Variants in STK32C observed in about 807,000 individuals in gnomAD.
STK32C encodes serine/threonine-protein kinase 32C.
STK32C carries 31 observed loss-of-function variants against 56.5 expected under a neutral mutation model. That is an observed-to-expected ratio of 0.55 (90% CI 0.41 to 0.74). STK32C has a LOEUF of 0.74. STK32C is among the 30% of genes least tolerant of loss of function. STK32C has a pLI of 0.00. For missense variants in STK32C, 544 were observed against 676.9 expected (o/e 0.80, Z 2.18); for synonymous variants, 309 against 289.4 (o/e 1.07, Z -0.69).
intron 1 of STK32C, among the ~76,000 whole-genome samples, chr10:132,267,982 C>CGTGT (rs59730124): frequency 2.5e-5 from 2 of 80,552 alleles, no homozygotes; most frequent in Admixed American, 2.5e-4. Context: ...TGTCCCACAT[C>CGTGT]GTGTGTGTGT....
intron 1 of STK32C, among the ~76,000 whole-genome samples, chr10:132,286,946 G>A (rs191673950): frequency 3.3e-5 from 5 of 152,282 alleles, no homozygotes; most frequent in East Asian, 3.8e-4. Flanking sequence ...GTCTTTATTC[G>A]CAAATGATTT....
At chr10:132,329,076 G>T (rs968880980) in intron 1 of STK32C, among the ~76,000 whole-genome samples, 3 of 152,254 alleles carry the variant, frequency 2.0e-5, no homozygotes, top group Non-Finnish European at 2.9e-5. Flanking sequence ...CCGCCCAGGG[G>T]AGATGAAAAC....
intron 1 of STK32C, among the ~76,000 whole-genome samples, chr10:132,268,712 CGT>C (rs781774207): frequency 7.8e-5 from 8 of 101,968 alleles, no homozygotes; most frequent in South Asian, 3.5e-4. Flanking sequence ...TGTCTCACAT[CGT>C]GTGTGTGTGT....
chr10:132,329,830 C>T (rs1340820193), intron 1 of STK32C, among the ~76,000 whole-genome samples: 1 of 152,206 alleles, frequency 6.6e-6, no homozygotes. Context: ...GAAGACACGG[C>T]CAGCGCCAGG....
At chr10:132,261,846 T>C (rs2064316274) in intron 1 of STK32C, among the ~76,000 whole-genome samples, 2 of 152,172 alleles carry the variant, frequency 1.3e-5, no homozygotes, top group South Asian at 4.2e-4. Context: ...GCAGAATCAA[T>C]ATTGTTAAAA....
chr10:132,308,727 G>C (rs564627369), upstream of STK32C, among the ~76,000 whole-genome samples: 188 of 152,310 alleles, frequency 1.2e-3, no homozygotes, highest in African/African-American at 4.2e-3. Flanking sequence ...AGTCGCCCAG[G>C]GTCCCCTTGT....
At chr10:132,217,005 A>G (rs1395255484) in intron 10 of STK32C, among the ~76,000 whole-genome samples, 1 of 6,116 alleles carries the variant, frequency 1.6e-4, no homozygotes, top group Non-Finnish European at 4.4e-4. Context: ...CCACTGGGGC[A>G]CACTGCCTAG....
chr10:132,245,000 A>G (rs1434200581), intron 2 of STK32C, among the ~76,000 whole-genome samples: 1 of 152,170 alleles, frequency 6.6e-6, no homozygotes, highest in Non-Finnish European at 1.5e-5. Context: ...TGCACTGCGC[A>G]AAGGGGCTCA....
chr10:132,255,149 T>C lies in STK32C; in HGVS notation c.263-9194A>G, dbSNP rs1315608095. Among the ~76,000 whole-genome samples, 1 of 152,114 alleles carries C rather than the reference T, an allele frequency of 6.6e-6. No homozygotes were observed. The highest frequency in any genetic ancestry group is 1.5e-5 in the Non-Finnish European group (1 of 68,016). On this transcript the variant is annotated intron_variant, in intron 1 of 11. Transcript: ENST00000298630. This position sits in a 1 kb window ranked among gnomAD's most constrained non-coding sequence, Gnocchi z 4.6. ...ACACGCAGAAGTTGATTAAATGCCG[T>C]CTCGTCTCCTATGACCTGGGAAGTG... is the stretch of plus-strand genomic sequence containing the variant.
chr10:132,291,187 T>C lies in STK32C; in HGVS notation c.262+16385A>G, dbSNP rs918465123. Among the ~76,000 whole-genome samples the C allele has an allele frequency of 1.3e-5, 2 of 152,384 alleles. 1 individual carries two copies. Among genetic ancestry groups the C allele is most frequent in the South Asian group, 4.1e-4 (2 of 4,830 alleles). The stretch of plus-strand genomic sequence containing the variant: ...CCAATTAGCTCGGCGGTGGCTGAGC[T>C]GGCTTGCGCTCTCTGGAGCATTGCC... On this transcript the variant is annotated intron_variant, in intron 1 of 11. Coordinates refer to ENST00000298630, the MANE Select transcript of STK32C (RefSeq NM_173575.4).
At chr10:132,279,417 T>G (rs1277463034) in intron 1 of STK32C, among the ~76,000 whole-genome samples, 1 of 152,102 alleles carries the variant, frequency 6.6e-6, no homozygotes, top group Non-Finnish European at 1.5e-5. Flanking sequence ...ACACTCCTCT[T>G]CATGTAAATG....
intron 1 of STK32C, among the ~76,000 whole-genome samples, chr10:132,291,356 G>A (rs1017670468): frequency 1.3e-5 from 2 of 152,282 alleles, no homozygotes; most frequent in East Asian, 1.9e-4. Context: ...GGATGTTCTC[G>A]ATCTGAGATG....
Position 132,226,934 on chromosome 10 carries a change from C to G in STK32C, c.505G>C (p.Val169Leu). The G allele has an allele frequency of 6.2e-7, 1 of 1,613,436 alleles. No homozygotes were observed. Among genetic ancestry groups the G allele is most frequent in the African/African-American group, 1.3e-5 (1 of 75,078 alleles). The change falls in exon 4 of 12, where the codon GTC becomes CTC. Residue 169 changes from valine to leucine, a missense_variant. Val to Leu is a conservative substitution (Grantham distance 32). Coordinates refer to ENST00000298630, the MANE Select transcript of STK32C (RefSeq NM_173575.4). ...SFQDEEDMFM[V>L]VDLLLGGDLR... Reference sequence around the variant, plus strand: ...TCCCCGCCCAGTAGCAGGTCCACGACCATGAACATGTCCTCCTCGTCCTGG... The same window carrying G: ...TCCCCGCCCAGTAGCAGGTCCACGAGCATGAACATGTCCTCCTCGTCCTGG...
At position 132,307,349 on chromosome 10, in the gene STK32C, A is replaced by C; in HGVS notation, c.262+223T>G. 1 of 404,474 alleles carries C rather than the reference A, an allele frequency of 2.5e-6. No homozygotes were observed. The highest frequency in any genetic ancestry group is 4.3e-6 in the Non-Finnish European group (1 of 233,422). 25.1% of individuals were successfully genotyped at this position (404,474 alleles called of 1,614,324 possible). A position where few individuals can be genotyped will look rare whatever the true frequency, so the allele number is the denominator to read the frequency against. ...ACCCTCGCCCCGAGGGCCCGGGCCCAGCCTGCTCCTCCTGCGGCGCCGCCA... is the reference window on the plus strand; with the variant it reads ...ACCCTCGCCCCGAGGGCCCGGGCCCCGCCTGCTCCTCCTGCGGCGCCGCCA... On this transcript the variant is annotated intron_variant, in intron 1 of 11. Transcript: ENST00000298630. The surrounding 1 kb of genome is among the most constrained non-coding windows in gnomAD (Gnocchi z 4.4).
Position 132,222,924 on chromosome 10 carries a change from C to A in STK32C, c.1056G>T (p.Ala352=). ...GGTGGTCCCACAGCACGCCGGCCAG[C>A]GCCGGGGCTGCCTGCACGTCCTGGA... ...SSLQDVQAAP[A]LAGVLWDHLS... The change falls in exon 9 of 12, where the codon GCG becomes GCT. Residue 352 remains alanine (A), a synonymous_variant. Coordinates refer to ENST00000298630, the MANE Select transcript of STK32C (RefSeq NM_173575.4). 1 of 1,558,596 alleles carries A rather than the reference C, an allele frequency of 6.4e-7. No homozygotes were observed. Among genetic ancestry groups the A allele is most frequent in the Non-Finnish European group, 8.7e-7 (1 of 1,155,524 alleles).
chr10:132,219,388 C>T (rs2062563591), intron 10 of STK32C, among the ~76,000 whole-genome samples: 1 of 152,088 alleles, frequency 6.6e-6, no homozygotes, highest in Non-Finnish European at 1.5e-5. Flanking sequence ...GGTGCCTGGC[C>T]TTACCTGTTC....
At position 132,225,234 on chromosome 10, in the gene STK32C, C is replaced by G; in HGVS notation, c.875G>C (p.Trp292Ser). 1 of 1,607,258 alleles carries G rather than the reference C, an allele frequency of 6.2e-7. No homozygotes were observed. Among genetic ancestry groups the G allele is most frequent in the African/African-American group, 1.3e-5 (1 of 74,892 alleles). The change falls in exon 7 of 12, where the codon TGG (tryptophan) becomes TCG (serine). Residue 292 changes from tryptophan to serine, a missense_variant and splice_region_variant. Physicochemically the swap from Trp to Ser is radical, Grantham distance 177 (BLOSUM62 -3). Around this residue, in one of 3 missense-constraint regions of STK32C, gnomAD observed 277 missense variants for 309.3 expected, o/e 0.90. Transcript: ENST00000298630. ...CCAGGGGCTGCAGGGGGTCCATACCCATCCTCGCAGCAGCTCATAGGCCAT... is the reference window on the plus strand; with the variant it reads ...CCAGGGGCTGCAGGGGGTCCATACCGATCCTCGCAGCAGCTCATAGGCCAT... ...GVMAYELLRG[W>S]RPYDIHSSNA... is the part of the protein sequence containing the mutation.
At chr10:132,251,341 C>T (rs1273281238) in intron 1 of STK32C, among the ~76,000 whole-genome samples, 2 of 152,208 alleles carry the variant, frequency 1.3e-5, no homozygotes, top group African/African-American at 2.4e-5. Flanking sequence ...GTGCCATGGG[C>T]AGCCCTGGTC....
At chr10:132,292,350 G>A (rs769059457) in intron 1 of STK32C, among the ~76,000 whole-genome samples, 9 of 152,074 alleles carry the variant, frequency 5.9e-5, no homozygotes, top group Non-Finnish European at 1.2e-4. Context: ...CTCTCCATCC[G>A]GGCACTCAAT....
Sources: gnomAD v4.1 joint callset for allele counts (sites outside exome capture counted in the v4.1 genomes callset) on GRCh38, gnomAD v4.1.1 for gene constraint, gnomAD v4.1.1 regional missense constraint, Gnocchi (gnomAD v3.1) non-coding constraint, MANE v1.5 for transcripts, NCBI Gene and HGNC (gene_info 2026-07-23, HGNC 2026-07-21) for gene names.